ERI1: variants seen among roughly 807,000 people sequenced by gnomAD.
The protein encoded by ERI1 is 3'-5' exoribonuclease 1.
In ERI1, 39 loss-of-function variants were observed where a neutral mutation model predicts 39.7. The ratio of observed to expected loss-of-function variants is 0.98; its 90% CI spans 0.76 to 1.28. The LOEUF (loss-of-function observed/expected upper bound fraction) is 1.28, where lower values mean the gene tolerates loss of function less well. Ranked by LOEUF, ERI1 falls within the 50% of genes most tolerant of loss-of-function variation. ERI1 has a pLI of 0.00. For missense variants in ERI1, 581 were observed against 416.9 expected (o/e 1.39, Z -3.43); for synonymous variants, 204 against 149.6 (o/e 1.36, Z -2.65).
chr8:9,012,729 A>G (rs1168979550), intron 3 of ERI1, among the ~76,000 whole-genome samples: 2 of 152,178 alleles, frequency 1.3e-5, no homozygotes, highest in Admixed American at 6.5e-5. Flanking sequence ...GCTTTTGTCT[A>G]TATTGCTCCC....
intron 3 of ERI1, among the ~76,000 whole-genome samples, chr8:9,070,837 T>G (rs931427521): frequency 3.3e-5 from 5 of 152,238 alleles, no homozygotes; most frequent in Admixed American, 2.0e-4. Flanking sequence ...TGAATTAGTT[T>G]GAAATCTCCT....
chr8:9,063,478 G>A (rs971123464), intron 3 of ERI1, among the ~76,000 whole-genome samples: 9 of 152,176 alleles, frequency 5.9e-5, no homozygotes, highest in African/African-American at 2.2e-4. Context: ...ATAGGGTGGA[G>A]GAGCGGAGGC....
intron 3 of ERI1, among the ~76,000 whole-genome samples, chr8:9,050,441 A>T (rs6996374): frequency 0.24 from 36,849 of 151,274 alleles, 4,851 homozygotes; most frequent in Non-Finnish European, 0.3. Context: ...TAGGAAGTCG[A>T]TGTTGCAGTG....
intron 1 of ERI1, 83 bp from the exon 2 acceptor site, chr8:9,007,887 G>A (rs1816191372): frequency 2.7e-6 from 4 of 1,486,984 alleles, no homozygotes; most frequent in East Asian, 5.0e-5. Flanking sequence ...AAGTTTGAAA[G>A]TTTGAATCTT....
chr8:9,050,847 C>T (rs967798205), intron 3 of ERI1, among the ~76,000 whole-genome samples: 1 of 152,136 alleles, frequency 6.6e-6, no homozygotes, highest in African/African-American at 2.4e-5. Context: ...TATTGCTCTT[C>T]TGCTGTGGGG....
At chr8:9,065,052 A>G (rs576064142) in intron 3 of ERI1, among the ~76,000 whole-genome samples, 27 of 152,210 alleles carry the variant, frequency 1.8e-4, no homozygotes, top group African/African-American at 5.5e-4. Flanking sequence ...TCACAAGATA[A>G]TGTCATCAGT....
At position 9,031,312 on chromosome 8, in the gene ERI1, T is replaced by C. The variant is rs1797573017; in HGVS notation, c.*1278T>C. The C allele has an allele frequency of 6.6e-6, 1 of 152,236 alleles. No homozygotes were observed. Among genetic ancestry groups the C allele is most frequent in the African/African-American group, 2.4e-5 (1 of 41,476 alleles). The allele number at this position is 152,236 out of a possible 1,614,324, so 9.4% of individuals were successfully genotyped here. ...CATTTTTCTTGGCGTGGGAATTCTCTACATAGGGCAGTAGATTTCTTAAGC... is the reference window on the plus strand; with the variant it reads ...CATTTTTCTTGGCGTGGGAATTCTCCACATAGGGCAGTAGATTTCTTAAGC... On this transcript the variant is annotated 3_prime_UTR_variant, in exon 7 of 7. Transcript: ENST00000250263.
rs147094688 is a variant in ERI1 at position 9,012,398 on chromosome 8, A to G, written c.498+646A>G. Among the ~76,000 whole-genome samples, 6 of 152,364 alleles carry G rather than the reference A, an allele frequency of 3.9e-5. No homozygotes were observed. In the East Asian group the frequency reaches 9.6e-4, roughly 24 times the overall value. On this transcript the variant is annotated intron_variant, in intron 3 of 6. Coordinates refer to ENST00000250263, the MANE Select transcript of ERI1 (RefSeq NM_153332.4). ...CTGTTTACCTTATAAAATCTGAGCA[A>G]GAATATCCTAACATCTCAACTTTCC... is the stretch of plus-strand genomic sequence containing the variant.
At chr8:9,052,757 G>C (rs1265801654) in intron 3 of ERI1, among the ~76,000 whole-genome samples, 1 of 152,202 alleles carries the variant, frequency 6.6e-6, no homozygotes, top group Non-Finnish European at 1.5e-5. Flanking sequence ...GAGCATCAAA[G>C]ACCCTTGGAA....
At chr8:9,007,724 T>C (rs771935695) in intron 1 of ERI1, among the ~76,000 whole-genome samples, 14 of 152,148 alleles carry the variant, frequency 9.2e-5, no homozygotes, top group Non-Finnish European at 1.8e-4. Flanking sequence ...CCAGTCTTCT[T>C]TTTACTTAGC....
intron 1 of ERI1, chr8:9,004,137 T>C (rs1815693746): frequency 1.2e-5 from 15 of 1,289,258 alleles, no homozygotes; most frequent in African/African-American, 3.0e-5. Flanking sequence ...TCTCTGTATG[T>C]TCCTTTTGCC....
rs150091073 is a variant in ERI1 at position 9,064,433 on chromosome 8, A to C, written n.299+43969A>C. On this transcript the variant is annotated intron_variant and non_coding_transcript_variant, in intron 3 of 3. Transcript: ENST00000518663. ...CAGAGAGGCGTCCCTACAATGATTAAACACCAAGGGAAGGCTGCCTTCCCT... is the reference window on the plus strand; with the variant it reads ...CAGAGAGGCGTCCCTACAATGATTACACACCAAGGGAAGGCTGCCTTCCCT... 8.0e-3 allele frequency among the ~76,000 whole-genome samples: 1,225 copies of C among 152,262 alleles called. 12 individuals carry two copies. The highest frequency in any genetic ancestry group is 0.028 in the African/African-American group (1,154 of 41,550).
At chr8:9,077,545 G>A (rs73197730) in intron 3 of ERI1, among the ~76,000 whole-genome samples, 15,019 of 152,234 alleles carry the variant, frequency 0.099, 957 homozygotes, top group Non-Finnish European at 0.15. Flanking sequence ...GGAGGGTGGT[G>A]GTGATGAGAT....
intron 3 of ERI1, among the ~76,000 whole-genome samples, chr8:9,088,153 A>G (rs1799587659): frequency 6.6e-6 from 1 of 152,132 alleles, no homozygotes; most frequent in Admixed American, 6.5e-5. Flanking sequence ...TCAGTTCAAA[A>G]AGGAGGCCTT....
At chr8:9,091,296 G>C (rs1799695772) in intron 3 of ERI1, 1 of 152,190 alleles carries the variant, frequency 6.6e-6, no homozygotes, top group Non-Finnish European at 1.5e-5. Flanking sequence ...TGAGGCAGGT[G>C]GATCGCTTGA....
intron 3 of ERI1, among the ~76,000 whole-genome samples, chr8:9,046,047 G>C (rs953369551): frequency 6.6e-6 from 1 of 152,120 alleles, no homozygotes; most frequent in African/African-American, 2.4e-5. Flanking sequence ...GCGGAGTTGG[G>C]CCTGTGTTAA....
At chr8:9,022,797 T>A (rs1818056146) in intron 6 of ERI1, among the ~76,000 whole-genome samples, 1 of 152,124 alleles carries the variant, frequency 6.6e-6, no homozygotes, top group South Asian at 2.1e-4. Context: ...TAGGTATGAG[T>A]CCTCATGACC....
rs185575111 is a variant in ERI1 at position 9,031,584 on chromosome 8, A to G, written c.*1550A>G. On this transcript the variant is annotated 3_prime_UTR_variant, in exon 7 of 7. Coordinates refer to ENST00000250263, the MANE Select transcript of ERI1 (RefSeq NM_153332.4). Reference sequence around the variant, plus strand: ...CCTGTAAAGTATTACTGAATACTGAATAGCTGAAACTGCAATTGGAAAATC... The same window carrying G: ...CCTGTAAAGTATTACTGAATACTGAGTAGCTGAAACTGCAATTGGAAAATC... 4 of 152,346 alleles carry G rather than the reference A, an allele frequency of 2.6e-5. No homozygotes were observed. The East Asian group carries it at 7.7e-4, about 29-fold the overall frequency. The allele number at this position is 152,346 out of a possible 1,614,324, so 9.4% of individuals were successfully genotyped here.
intron 3 of ERI1, among the ~76,000 whole-genome samples, chr8:9,098,902 C>T (rs951924288): frequency 2.0e-5 from 3 of 152,200 alleles, no homozygotes; most frequent in East Asian, 1.9e-4. Flanking sequence ...GGTGCAAGCT[C>T]GGCTCACTGC....
Sources: gnomAD v4.1 joint callset for allele counts (sites outside exome capture counted in the v4.1 genomes callset) on GRCh38, gnomAD v4.1.1 for gene constraint, MANE v1.5 for transcripts, NCBI Gene and HGNC (gene_info 2026-07-23, HGNC 2026-07-21) for gene names.